ZNF18: variants seen among roughly 807,000 people sequenced by gnomAD.
The protein encoded by ZNF18 is heart development-specific gene 1 protein.
A neutral mutation model predicts 58.1 loss-of-function variants in ZNF18; 42 were observed. The observed-to-expected ratio is 0.72, with a 90% CI of 0.56 to 0.93. The LOEUF (loss-of-function observed/expected upper bound fraction) is 0.93. Among genes scored for constraint, ZNF18 ranks in the 40% least tolerant of loss-of-function variants. The pLI is 0.00. For synonymous variants in ZNF18, 231 were observed against 239.8 expected (o/e 0.96, Z 0.34); for missense variants, 540 against 644.2 (o/e 0.84, Z 1.75).
At chr17:12,013,472 TC>T in the ZNF18 span, among the ~76,000 whole-genome samples, 15 of 152,214 alleles carry the variant, frequency 9.9e-5, no homozygotes, top group Non-Finnish European at 1.9e-4. Flanking sequence ...AGATTTTTGA[TC>T]CATTTGGAAC....
At chr17:12,004,234 A>G in the ZNF18 span, among the ~76,000 whole-genome samples, 15 of 148,696 alleles carry the variant, frequency 1.0e-4, no homozygotes, top group African/African-American at 2.9e-4. Flanking sequence ...CTGTGTCTCA[A>G]AAAAAAAAAA....
chr17:12,001,805 A>G (rs1968661919), upstream of ZNF18, among the ~76,000 whole-genome samples: 1 of 152,138 alleles, frequency 6.6e-6, no homozygotes, highest in Non-Finnish European at 1.5e-5. Context: ...CCATAAATAT[A>G]TAATTATTAT....
At chr17:12,012,635 C>T in the ZNF18 span, among the ~76,000 whole-genome samples, 2 of 152,190 alleles carry the variant, frequency 1.3e-5, no homozygotes, top group African/African-American at 4.8e-5. Flanking sequence ...TATTAAACTT[C>T]ATCTGCTAGA....
At chr17:11,981,480 G>A (rs1486158088) in intron 6 of ZNF18, among the ~76,000 whole-genome samples, 5 of 149,702 alleles carry the variant, frequency 3.3e-5, no homozygotes, top group Non-Finnish European at 5.9e-5. Flanking sequence ...CACCATGCCC[G>A]GTTTTTTGTT....
the ZNF18 span, chr17:12,002,477 G>T: frequency 6.6e-6 from 1 of 152,140 alleles, no homozygotes; most frequent in African/African-American, 2.4e-5. Flanking sequence ...ATTGATGAGA[G>T]TCAGACATGG....
chr17:11,984,938 G>A (rs867794822), intron 4 of ZNF18, among the ~76,000 whole-genome samples: 3 of 152,326 alleles, frequency 2.0e-5, no homozygotes, highest in Middle Eastern at 3.4e-3. Flanking sequence ...AAAGAAAGAA[G>A]TTAAAAAGGA....
chr17:11,981,253 CCCTT>C (rs1967322375), intron 6 of ZNF18, among the ~76,000 whole-genome samples: 1 of 152,122 alleles, frequency 6.6e-6, no homozygotes, highest in Non-Finnish European at 1.5e-5. Context: ...TCCAAGTGTT[CCCTT>C]CCTATCTGTC....
In ZNF18 at chr17:11,983,212, T is replaced by C. The variant is rs77486413; in HGVS notation, c.862+85A>G. 2,621 of 997,436 alleles carry C rather than the reference T, an allele frequency of 2.6e-3. 45 individuals carry two copies. The African/African-American group carries it at 0.037, about 14-fold the overall frequency. 61.8% of individuals were successfully genotyped at this position (997,436 alleles called of 1,614,324 possible). On this transcript the variant is annotated intron_variant, in intron 6 of 6. Coordinates refer to ENST00000580306, the MANE Select transcript of ZNF18 (RefSeq NM_001303281.2). ...ACGTAATAGAATATTCTGCCTCCCC[T>C]GACCTCCTTCACCACCTCCCCAATC...
At chr17:12,004,579 A>G in the ZNF18 span, among the ~76,000 whole-genome samples, 1 of 152,116 alleles carries the variant, frequency 6.6e-6, no homozygotes, top group Non-Finnish European at 1.5e-5. Context: ...TCAAATATTA[A>G]GAAATCTACT....
chr17:11,996,332 A>G (rs1007492646), intron 1 of ZNF18, among the ~76,000 whole-genome samples: 3 of 152,240 alleles, frequency 2.0e-5, no homozygotes, highest in Non-Finnish European at 2.9e-5. Context: ...ACAAGCGGCA[A>G]GATTTTAGAT....
chr17:12,008,367 T>C, the ZNF18 span, among the ~76,000 whole-genome samples: 26 of 152,136 alleles, frequency 1.7e-4, no homozygotes, highest in African/African-American at 6.0e-4. Flanking sequence ...ATTACTACTA[T>C]TATTATTATT....
At chr17:12,010,560 C>T in the ZNF18 span, among the ~76,000 whole-genome samples, 19 of 151,990 alleles carry the variant, frequency 1.3e-4, no homozygotes, top group Admixed American at 6.6e-4. Flanking sequence ...GGACTACAGG[C>T]GCCCGTCACC....
At chr17:12,020,655 C>A in the ZNF18 span, among the ~76,000 whole-genome samples, 2 of 152,180 alleles carry the variant, frequency 1.3e-5, no homozygotes, top group Non-Finnish European at 2.9e-5. Flanking sequence ...CAGCCCTGGT[C>A]CAAGACAGCT....
the ZNF18 span, among the ~76,000 whole-genome samples, chr17:12,003,124 A>G: frequency 0.63 from 95,345 of 152,074 alleles, 30,578 homozygotes; most frequent in East Asian, 0.81. Flanking sequence ...ACTAACATAC[A>G]TCACGTTTTA....
the ZNF18 span, among the ~76,000 whole-genome samples, chr17:12,015,962 T>C: frequency 6.6e-6 from 1 of 152,158 alleles, no homozygotes; most frequent in East Asian, 1.9e-4. Flanking sequence ...AGCTAATTTT[T>C]GTATCTTTAG....
chr17:11,979,703 G>T (rs1967213404), intron 6 of ZNF18, among the ~76,000 whole-genome samples: 1 of 152,030 alleles, frequency 6.6e-6, no homozygotes, highest in South Asian at 2.1e-4. Context: ...TCAATTGTCT[G>T]CCAGGGATCT....
At chr17:12,020,697 G>A in the ZNF18 span, 3 of 358,800 alleles carry the variant, frequency 8.4e-6, no homozygotes, top group Non-Finnish European at 1.5e-5. Flanking sequence ...CCCAGAGCCG[G>A]GCGGTTCTGC....
intron 6 of ZNF18, among the ~76,000 whole-genome samples, chr17:11,981,033 G>A (rs1967307659): frequency 6.6e-6 from 1 of 152,122 alleles, no homozygotes; most frequent in South Asian, 2.1e-4. Context: ...TTAACTAGGA[G>A]CTGTTCTTCC....
chr17:12,021,197 A>C, the ZNF18 span: 1 of 336,220 alleles, frequency 3.0e-6, no homozygotes, highest in African/African-American at 2.2e-5. Context: ...TCCGGCCCGC[A>C]TAGGCCCCGG....
Sources: allele counts gnomAD v4.1 joint callset (sites outside exome capture counted in the v4.1 genomes callset), GRCh38; gene constraint gnomAD v4.1.1; transcripts MANE v1.5; gene names NCBI Gene and HGNC (gene_info 2026-07-23, HGNC 2026-07-21).